MINK1: variants seen among roughly 807,000 people sequenced by gnomAD.
MINK1 encodes misshapen-like kinase 1.
Under a neutral mutation model 178.4 loss-of-function variants are expected in MINK1, and 46 were observed. The observed-to-expected ratio is 0.26, with a 90% confidence interval of 0.20 to 0.33. The LOEUF (loss-of-function observed/expected upper bound fraction) is 0.33. Among genes scored for constraint, MINK1 ranks in the 10% least tolerant of loss-of-function variants. The pLI, the probability that MINK1 is intolerant of heterozygous loss-of-function variation, is 1.00. For missense variants in MINK1, 1,366 were observed against 1,814.9 expected, an observed-to-expected ratio of 0.75 and a Z score of 4.49; for synonymous variants, 797 against 709.7, an observed-to-expected ratio of 1.12 and a Z score of -1.96.
In MINK1 at chr17:4,878,071, A is replaced by G. The variant is rs36188529; in HGVS notation, c.58-246A>G. 0.42 allele frequency among the ~76,000 whole-genome samples: 64,383 copies of G among 151,784 alleles called. 15,965 individuals carry two copies. The highest frequency in any genetic ancestry group is 0.57 in the Non-Finnish European group (38,860 of 67,876). ...GTGATCCACCTGCCTCGGCCTCCCA[A>G]AGTGCTGGGATTACAGGCGTGAGCC... On this transcript the variant is annotated intron_variant, in intron 1 of 31. Transcript: ENST00000355280.
chr17:4,893,401 TCTCCCTGCCCCTCACGTGGCTC>T lies in MINK1; in HGVS notation c.2401-24_2401-3del. On this transcript the variant is annotated splice_polypyrimidine_tract_variant and intron_variant, in intron 20 of 31. Coordinates refer to ENST00000355280, the MANE Select transcript of MINK1 (RefSeq NM_153827.5). ...TGTCTACCTCCACCCAGGCCCAGCTTCTCCCTGCCCCTCACGTGGCTCCTCCCTGCAGGACTTTGTGTTGCTG... is the reference window on the plus strand; with the variant it reads ...TGTCTACCTCCACCCAGGCCCAGCTTCTCCCTGCAGGACTTTGTGTTGCTG... 6.2e-7 allele frequency: 1 copy of T among 1,601,058 alleles called. No homozygotes were observed.
chr17:4,887,073 C>T lies in MINK1; in HGVS notation c.950-37C>T, dbSNP rs758095557. 7 of 1,553,028 alleles carry T rather than the reference C, an allele frequency of 4.5e-6. No individual in the cohort carries two copies. In the South Asian group the frequency reaches 4.7e-5, roughly 10 times the overall value. On this transcript the variant is annotated intron_variant, in intron 10 of 31. Coordinates refer to ENST00000355280, the MANE Select transcript of MINK1 (RefSeq NM_153827.5). The surrounding 1 kb of genome is among the most constrained non-coding windows in gnomAD (Gnocchi z 7.6). ...TCCCTAGCCCACGGCGGGTCTGGGG[C>T]GCTGGGTGAGATAACTGCAGTGGCC...
In MINK1 at chr17:4,894,930, C is replaced by T. The variant is rs1042512276; in HGVS notation, c.2918-145C>T. On this transcript the variant is annotated intron_variant, in intron 24 of 31. Coordinates refer to ENST00000355280, the MANE Select transcript of MINK1 (RefSeq NM_153827.5). The surrounding 1 kb of genome is among the most constrained non-coding windows in gnomAD (Gnocchi z 4.1). The stretch of plus-strand genomic sequence containing the variant: ...ACTCCAAGTCCAGCACTCTATCCCC[C>T]TCTCCCATGCACCTCCTCTCCTCCT... 2.3e-6 allele frequency: 2 copies of T among 883,636 alleles called. No homozygotes were observed. The highest frequency in any genetic ancestry group is 3.4e-6 in the Non-Finnish European group (2 of 583,626). 54.7% of individuals were successfully genotyped at this position (883,636 alleles called of 1,614,324 possible).
At chr17:4,834,966 T>C (rs922115181) in intron 1 of MINK1, among the ~76,000 whole-genome samples, 3 of 152,224 alleles carry the variant, frequency 2.0e-5, no homozygotes, top group Non-Finnish European at 4.4e-5. Flanking sequence ...CAGTTTTTTT[T>C]CTTCCCATTT....
At chr17:4,882,636 C>T (rs186323215) in intron 4 of MINK1, among the ~76,000 whole-genome samples, 5 of 152,256 alleles carry the variant, frequency 3.3e-5, no homozygotes, top group Non-Finnish European at 7.4e-5. Flanking sequence ...TCAGGCTTTG[C>T]GGGTCATATT....
intron 1 of MINK1, among the ~76,000 whole-genome samples, chr17:4,854,185 G>A (rs1252565887): frequency 2.6e-5 from 4 of 152,026 alleles, no homozygotes; most frequent in South Asian, 2.1e-4. Flanking sequence ...TAGAACCAGC[G>A]CAAGGCTGCT....
chr17:4,891,196 G>GCACACA lies in MINK1; in HGVS notation c.1740+73_1740+74insACACAC, dbSNP rs201604019. 1.5e-5 allele frequency: 13 copies of GCACACA among 849,984 alleles called. 1 individual carries two copies. In the East Asian group the frequency reaches 2.2e-4, roughly 14 times the overall value. 52.7% of individuals were successfully genotyped at this position (849,984 alleles called of 1,614,324 possible). On this transcript the variant is annotated intron_variant, in intron 15 of 31. Coordinates refer to ENST00000355280, the MANE Select transcript of MINK1 (RefSeq NM_153827.5). ...GTTCAGAGCACAGGTACACACACAC[G>GCACACA]CGCGCACACACACACACACACACAC...
At position 4,897,971 on chromosome 17, in the gene MINK1, T is replaced by TA. The variant is rs1969749465; in HGVS notation, c.*686dup. ...ATCTGTATATAGTGTGAGCAGCAAG[T>TA]AACCCTTCTCCCTCCCCCCCCACCC... On this transcript the variant is annotated 3_prime_UTR_variant, in exon 32 of 32. Coordinates refer to ENST00000355280, the MANE Select transcript of MINK1 (RefSeq NM_153827.5). The TA allele has an allele frequency of 1.5e-5, 1 of 65,356 alleles. No individual in the cohort carries two copies. Among genetic ancestry groups the TA allele is most frequent in the South Asian group, 5.4e-4 (1 of 1,868 alleles). The allele number at this position is 65,356 out of a possible 1,614,324, so 4.0% of individuals were successfully genotyped here.
chr17:4,895,952 C>G lies in MINK1; in HGVS notation c.3365-51C>G. On this transcript the variant is annotated intron_variant, in intron 27 of 31. Transcript: ENST00000355280. The surrounding 1 kb of genome is among the most constrained non-coding windows in gnomAD (Gnocchi z 4.3). ...GTAGTGACAGACCACGGGGAGGCGC[C>G]CGTGGCGCAAGAAGGGAAGTCTCAG... The G allele has an allele frequency of 6.4e-7, 1 of 1,568,358 alleles. No homozygotes were observed. Among genetic ancestry groups the G allele is most frequent in the Non-Finnish European group, 8.6e-7 (1 of 1,156,776 alleles).
chr17:4,874,741 G>A (rs1417209495), intron 1 of MINK1, among the ~76,000 whole-genome samples: 2 of 152,098 alleles, frequency 1.3e-5, no homozygotes, highest in Non-Finnish European at 2.9e-5. Context: ...TGCCACGTGC[G>A]GGACCCCAAC....
In MINK1 at chr17:4,885,130, T is replaced by G; in HGVS notation, c.508+128T>G. 2.4e-6 allele frequency: 2 copies of G among 837,420 alleles called. No homozygotes were observed. The highest frequency in any genetic ancestry group is 4.8e-5 in the Admixed American group (2 of 41,364). 51.9% of individuals were successfully genotyped at this position (837,420 alleles called of 1,614,324 possible). On this transcript the variant is annotated intron_variant, in intron 6 of 31. Transcript: ENST00000355280. This position sits in a 1 kb window ranked among gnomAD's most constrained non-coding sequence, Gnocchi z 5.0. ...ACTGGGGAGGCTCACTCCCTCCCCT[T>G]TCCCCTCTCCCCCTGGAATGCCCTG...
intron 1 of MINK1, among the ~76,000 whole-genome samples, chr17:4,839,139 T>A (rs1454429342): frequency 1.3e-5 from 2 of 152,142 alleles, no homozygotes; most frequent in Non-Finnish European, 2.9e-5. Context: ...GAGACGGGGT[T>A]TCACCGTGTT....
In MINK1 at chr17:4,875,378, G is replaced by A. The variant is rs542919697; in HGVS notation, c.58-2939G>A. On this transcript the variant is annotated intron_variant, in intron 1 of 31. Coordinates refer to ENST00000355280, the MANE Select transcript of MINK1 (RefSeq NM_153827.5). ...TAATATTAATGTGTTGGGAGGCTGA[G>A]GTGGGAGGATTGCTTGAGCCCAGGA... Among the ~76,000 whole-genome samples the A allele has an allele frequency of 2.0e-5, 3 of 152,296 alleles. No individual in the cohort carries two copies. The East Asian group carries it at 5.8e-4, about 29-fold the overall frequency.
intron 1 of MINK1, among the ~76,000 whole-genome samples, chr17:4,845,676 C>T (rs576414957): frequency 1.3e-5 from 2 of 151,852 alleles, no homozygotes; most frequent in African/African-American, 4.8e-5. Flanking sequence ...TGCTCTGTCA[C>T]CCAGGCTGGA....
intron 1 of MINK1, among the ~76,000 whole-genome samples, chr17:4,861,934 C>A (rs982019932): frequency 6.6e-6 from 1 of 152,218 alleles, no homozygotes; most frequent in Non-Finnish European, 1.5e-5. Context: ...CGACAATAGT[C>A]GTTTTGTGTA....
chr17:4,886,310 G>A lies in MINK1; in HGVS notation c.773+112G>A. 6.6e-7 allele frequency: 1 copy of A among 1,513,158 alleles called. No homozygotes were observed. The highest frequency in any genetic ancestry group is 9.2e-7 in the Non-Finnish European group (1 of 1,090,868). The allele number at this position is 1,513,158 out of a possible 1,614,324, so 93.7% of individuals were successfully genotyped here. On this transcript the variant is annotated intron_variant, in intron 9 of 31. Transcript: ENST00000355280. This position sits in a 1 kb window ranked among gnomAD's most constrained non-coding sequence, Gnocchi z 6.1. ...ATCTCACCAGAGAAGAGATTCTGGG[G>A]GGCAGAGGGCGGTGACTGGTGTTGG...
intron 1 of MINK1, among the ~76,000 whole-genome samples, chr17:4,838,946 T>C (rs1303777837): frequency 6.7e-6 from 1 of 148,994 alleles, no homozygotes; most frequent in Non-Finnish European, 1.5e-5. Context: ...AAGCCTAGAC[T>C]CTTTTTTTTT....
In MINK1 at chr17:4,897,061, G is replaced by A. The variant is rs985946165; in HGVS notation, c.3916-143G>A. 3 of 877,184 alleles carry A rather than the reference G, an allele frequency of 3.4e-6. No homozygotes were observed. The African/African-American group carries it at 5.1e-5, about 15-fold the overall frequency. The allele number at this position is 877,184 out of a possible 1,614,324, so 54.3% of individuals were successfully genotyped here. On this transcript the variant is annotated intron_variant, in intron 31 of 31. Transcript: ENST00000355280. The stretch of plus-strand genomic sequence containing the variant: ...ACATCCCAGCCTGCCTTTCCTCCGG[G>A]TGAGGGGCACTGTGAGTCTCCTCCT...
At chr17:4,870,204 G>A (rs756522659) in intron 1 of MINK1, among the ~76,000 whole-genome samples, 109 of 148,916 alleles carry the variant, frequency 7.3e-4, no homozygotes, top group Non-Finnish European at 1.3e-3. Flanking sequence ...GAGTCACTGC[G>A]CCCGGCCAAT....
Sources: allele counts gnomAD v4.1 joint callset (sites outside exome capture counted in the v4.1 genomes callset), GRCh38; gene constraint gnomAD v4.1.1; non-coding constraint Gnocchi (gnomAD v3.1); transcripts MANE v1.5; gene names NCBI Gene and HGNC (gene_info 2026-07-23, HGNC 2026-07-21).